The following PRKCH variants were observed in gnomAD, a reference collection of about 807,000 sequenced individuals.
PRKCH encodes protein kinase C eta, also known as protein kinase C eta type.
PRKCH carries 28 observed loss-of-function variants against 82.5 expected under a neutral mutation model. The observed-to-expected ratio is 0.34, with a 90% CI of 0.25 to 0.47. The LOEUF (loss-of-function observed/expected upper bound fraction) is 0.47. Ranked by LOEUF, PRKCH falls within the 20% of genes least tolerant of loss-of-function variation. The pLI is 1.00. For missense variants in PRKCH, 705 were observed against 881.8 expected (o/e 0.80, Z 2.54); for synonymous variants, 322 against 327.4 (o/e 0.98, Z 0.18).
rs537674369 is a variant in PRKCH at position 61,383,771 on chromosome 14, A to G, written c.364-7454A>G. Among the ~76,000 whole-genome samples the G allele has an allele frequency of 2.2e-4, 33 of 152,178 alleles. 2 individuals are homozygous for G. In the South Asian group the frequency reaches 6.7e-3, roughly 31 times the overall value. ...GCATGAGCAAATGTGTGGCTGAGTG[A>G]TAGAGCCAGGAGAGGGGCCTGACTA... On this transcript the variant is annotated intron_variant, in intron 1 of 13. Transcript: ENST00000332981.
intron 2 of PRKCH, among the ~76,000 whole-genome samples, chr14:61,430,313 G>A (rs910403186): frequency 6.6e-6 from 1 of 152,206 alleles, no homozygotes; most frequent in Non-Finnish European, 1.5e-5. Flanking sequence ...AACACTAAAT[G>A]TTGGTGAGAC....
intron 9 of PRKCH, among the ~76,000 whole-genome samples, chr14:61,464,514 G>A (rs907550339): frequency 6.6e-6 from 1 of 152,030 alleles, no homozygotes; most frequent in Non-Finnish European, 1.5e-5. Flanking sequence ...TTTAAGCCCC[G>A]AATGCATTAG....
At chr14:61,402,855 TAA>T (rs1417026813) in intron 2 of PRKCH, among the ~76,000 whole-genome samples, 7 of 150,928 alleles carry the variant, frequency 4.6e-5, no homozygotes, top group African/African-American at 7.3e-5. Context: ...TTTAATTAAT[TAA>T]TTAATTTATT....
chr14:61,219,997 C>G (rs2044642382), intron 1 of PRKCH, among the ~76,000 whole-genome samples: 1 of 152,196 alleles, frequency 6.6e-6, no homozygotes, highest in South Asian at 2.1e-4. Flanking sequence ...ATATTCCTTT[C>G]ACTAAAGGAC....
intron 10 of PRKCH, among the ~76,000 whole-genome samples, chr14:61,502,999 GGCT>G (rs1886985607): frequency 8.6e-6 from 1 of 116,446 alleles, no homozygotes; most frequent in African/African-American, 3.4e-5. Flanking sequence ...AAGGGAAGCA[GGCT>G]TTTTTTTTTT....
At chr14:61,246,340 G>A (rs1234704942) in intron 1 of PRKCH, among the ~76,000 whole-genome samples, 3 of 151,144 alleles carry the variant, frequency 2.0e-5, no homozygotes, top group South Asian at 2.1e-4. Context: ...CCTGGGAGGT[G>A]GAGGTTTCAG....
intron 2 of PRKCH, among the ~76,000 whole-genome samples, chr14:61,397,042 G>GTGT (rs1161467079): frequency 2.6e-5 from 4 of 152,216 alleles, no homozygotes; most frequent in African/African-American, 9.7e-5. Flanking sequence ...TGGGGAAGGG[G>GTGT]TGTTAGTTGA....
chr14:61,459,503 G>A (rs1884934304), intron 9 of PRKCH, among the ~76,000 whole-genome samples: 1 of 152,198 alleles, frequency 6.6e-6, no homozygotes, highest in Non-Finnish European at 1.5e-5. Flanking sequence ...GCCGAGGTGG[G>A]CCAGGGCCAG....
At position 61,549,979 on chromosome 14, in the gene PRKCH, C is replaced by G. The variant is rs2043306718; in HGVS notation, c.*148C>G. On this transcript the variant is annotated 3_prime_UTR_variant, in exon 14 of 14. Coordinates refer to ENST00000332981, the MANE Select transcript of PRKCH (RefSeq NM_006255.5). ...GTGAAGAACTCTGTGAAGGATGGAA[C>G]TTTCAGATATCAACTATTTAGAGTC... The G allele has an allele frequency of 1.3e-6, 1 of 799,574 alleles. No homozygotes were observed. The highest frequency in any genetic ancestry group is 1.7e-5 in the African/African-American group (1 of 58,206). 49.5% of individuals were successfully genotyped at this position (799,574 alleles called of 1,614,324 possible). A position where few individuals can be genotyped will look rare whatever the true frequency, so the allele number is the denominator to read the frequency against.
chr14:61,508,726 A>G (rs1887256374), intron 10 of PRKCH, among the ~76,000 whole-genome samples: 1 of 152,110 alleles, frequency 6.6e-6, no homozygotes, highest in Non-Finnish European at 1.5e-5. Flanking sequence ...TGGATGTCCC[A>G]ATATCACATA....
At chr14:61,528,559 G>A (rs1471821269) in intron 10 of PRKCH, among the ~76,000 whole-genome samples, 2 of 152,054 alleles carry the variant, frequency 1.3e-5, no homozygotes, top group East Asian at 1.9e-4. Context: ...CACAATCCCC[G>A]CCGTCATGGA....
At chr14:61,464,724 T>G (rs1007270634) in intron 9 of PRKCH, among the ~76,000 whole-genome samples, 1 of 152,226 alleles carries the variant, frequency 6.6e-6, no homozygotes, top group Non-Finnish European at 1.5e-5. Flanking sequence ...AGCTCATTCT[T>G]TTTTATGGCT....
intron 1 of PRKCH, among the ~76,000 whole-genome samples, chr14:61,350,045 T>G (rs1445755664): frequency 1.3e-5 from 2 of 152,132 alleles, no homozygotes; most frequent in African/African-American, 4.8e-5. Flanking sequence ...CAAGAGTATG[T>G]TTTAAATGCC....
intron 1 of PRKCH, among the ~76,000 whole-genome samples, chr14:61,294,160 G>A (rs1185952807): frequency 8.6e-5 from 13 of 151,326 alleles, no homozygotes; most frequent in South Asian, 8.4e-4. Flanking sequence ...TCGCTCTGTC[G>A]CCCAGGCTGG....
Position 61,263,847 on chromosome 14 carries a change from T to TTGTGTG in PRKCH, c.-19+76223_-19+76228dup, listed in dbSNP as rs56280986. Among the ~76,000 whole-genome samples, 960 of 144,254 alleles carry TTGTGTG rather than the reference T, an allele frequency of 6.7e-3. 4 individuals carry two copies. Among genetic ancestry groups the TTGTGTG allele is most frequent in the South Asian group, 0.017 (74 of 4,406 alleles). 94.6% of individuals were successfully genotyped at this position (144,254 alleles called of 152,430 possible). A position where few individuals can be genotyped will look rare whatever the true frequency, so the allele number is the denominator to read the frequency against. On this transcript the variant is annotated intron_variant, in intron 1 of 3. Coordinates refer to the PRKCH transcript ENST00000555185. ...AGGAAAAGCATCTGAAGTCAGAGTA[T>TTGTGTG]TGTGTGTGTGTGTGTGTGTGTGTGT...
intron 1 of PRKCH, among the ~76,000 whole-genome samples, chr14:61,195,818 G>T (rs552743947): frequency 6.6e-6 from 1 of 152,056 alleles, no homozygotes; most frequent in Non-Finnish European, 1.5e-5. Context: ...CAAACTTCTG[G>T]TGTCTCTTCT....
intron 1 of PRKCH, among the ~76,000 whole-genome samples, chr14:61,194,935 T>C (rs2044430733): frequency 2.6e-5 from 4 of 152,160 alleles, no homozygotes; most frequent in South Asian, 4.1e-4. Context: ...GGTTTCACCA[T>C]GTCGGCCAGG....
chr14:61,328,256 C>CAA (rs71117811), intron 1 of PRKCH, among the ~76,000 whole-genome samples: 872 of 74,298 alleles, frequency 0.012, 46 homozygotes, highest in East Asian at 0.073. Flanking sequence ...GACTCCGTCT[C>CAA]AAAAAAAAAA....
chr14:61,471,451 C>T (rs921346644), intron 9 of PRKCH, among the ~76,000 whole-genome samples: 6 of 152,050 alleles, frequency 3.9e-5, no homozygotes, highest in South Asian at 2.1e-4. Context: ...TCTGGCCAAT[C>T]GCAATTAAAA....
Sources: gnomAD v4.1 joint callset for allele counts (sites outside exome capture counted in the v4.1 genomes callset) on GRCh38, gnomAD v4.1.1 for gene constraint, MANE v1.5 for transcripts, NCBI Gene and HGNC (gene_info 2026-07-23, HGNC 2026-07-21) for gene names.